The following SLC16A12 variants were observed in gnomAD, a reference collection of about 807,000 sequenced individuals.
SLC16A12 encodes solute carrier family 16 member 12, also known as monocarboxylate transporter 12.
Under a neutral mutation model 42.4 loss-of-function variants are expected in SLC16A12, and 17 were observed. The ratio of observed to expected loss-of-function variants is 0.40; its 90% CI spans 0.27 to 0.60. The LOEUF (loss-of-function observed/expected upper bound fraction) is 0.60, where lower values mean the gene tolerates loss of function less well. Among genes scored for constraint, SLC16A12 ranks in the 20% least tolerant of loss-of-function variants. The pLI is 0.42. For synonymous variants in SLC16A12, 224 were observed against 229.4 expected (o/e 0.98, Z 0.21); for missense variants, 544 against 623.0 (o/e 0.87, Z 1.35).
chr10:89,482,408 A>G (rs557469961), intron 2 of SLC16A12, among the ~76,000 whole-genome samples: 5 of 152,300 alleles, frequency 3.3e-5, no homozygotes, highest in African/African-American at 1.2e-4. Context: ...TAGATCCATC[A>G]ATAATAAATT....
intron 2 of SLC16A12, among the ~76,000 whole-genome samples, chr10:89,511,287 G>A (rs1161947053): frequency 1.3e-5 from 2 of 152,148 alleles, no homozygotes; most frequent in Admixed American, 1.3e-4. Flanking sequence ...ACACGTATGT[G>A]TATTGCAGCA....
chr10:89,479,071 T>C (rs1370833878), intron 2 of SLC16A12, among the ~76,000 whole-genome samples: 3 of 152,204 alleles, frequency 2.0e-5, no homozygotes, highest in African/African-American at 7.2e-5. Flanking sequence ...CACTTACTAA[T>C]AGTGAACTGT....
rs78837925 is a variant in SLC16A12, at chr10:89,520,797, C to G, written c.-47+13704G>C. Among the ~76,000 whole-genome samples, 310 of 151,418 alleles carry G rather than the reference C, an allele frequency of 2.0e-3. 6 individuals carry two copies. In the East Asian group the frequency reaches 0.05, roughly 25 times the overall value. On this transcript the variant is annotated intron_variant, in intron 2 of 7. Transcript: ENST00000371790. The stretch of plus-strand genomic sequence containing the variant: ...CCTGTTCTCTGCCCCTGCCCTTGAG[C>G]CTTAATGTTTCAGATCTCAGCTTAA...
chr10:89,432,985 TA>T lies in SLC16A12; in HGVS notation c.*78del. ...TTGGAAGGCAATCCTTCTGCCAAAA[TA>T]AAAAGTTTCAGAAACATGAAGAATC... On this transcript the variant is annotated 3_prime_UTR_variant, in exon 8 of 8. Coordinates refer to ENST00000371790, the MANE Select transcript of SLC16A12 (RefSeq NM_213606.4). The T allele has an allele frequency of 6.4e-7, 1 of 1,569,992 alleles. No homozygotes were observed. Among genetic ancestry groups the T allele is most frequent in the South Asian group, 1.2e-5 (1 of 83,926 alleles).
chr10:89,555,504 C>CGTATATCT (rs1843805512), intron 2 of SLC16A12, among the ~76,000 whole-genome samples: 1 of 138,578 alleles, frequency 7.2e-6, no homozygotes, highest in Non-Finnish European at 1.6e-5. Context: ...TACGTATATA[C>CGTATATCT]GTATATATAT....
Position 89,433,002 on chromosome 10 carries a change from A to G in SLC16A12, c.*62T>C, listed in dbSNP as rs1589654564. The G allele has an allele frequency of 1.9e-6, 3 of 1,594,628 alleles. No individual in the cohort carries two copies. The highest frequency in any genetic ancestry group is 2.6e-6 in the Non-Finnish European group (3 of 1,175,230). On this transcript the variant is annotated 3_prime_UTR_variant, in exon 8 of 8. Transcript: ENST00000371790. ...TGCCAAAATAAAAAGTTTCAGAAACATGAAGAATCTGGTGGCCCCACCTCT... is the reference window on the plus strand; with the variant it reads ...TGCCAAAATAAAAAGTTTCAGAAACGTGAAGAATCTGGTGGCCCCACCTCT...
At chr10:89,452,849 T>A (rs936950114) in intron 3 of SLC16A12, among the ~76,000 whole-genome samples, 1 of 152,192 alleles carries the variant, frequency 6.6e-6, no homozygotes, top group Non-Finnish European at 1.5e-5. Flanking sequence ...CTGATGCACG[T>A]CCTCAATCAG....
At chr10:89,486,186 G>T (rs550098471) in intron 2 of SLC16A12, among the ~76,000 whole-genome samples, 27 of 152,190 alleles carry the variant, frequency 1.8e-4, no homozygotes, top group African/African-American at 6.3e-4. Context: ...TGCAGGGTTG[G>T]AAGGCAGTGA....
chr10:89,448,321 C>G (rs868022445), intron 3 of SLC16A12, among the ~76,000 whole-genome samples: 3 of 152,024 alleles, frequency 2.0e-5, no homozygotes, highest in Non-Finnish European at 4.4e-5. Flanking sequence ...AAAAAGGGAT[C>G]TTTAGACCAA....
At chr10:89,486,181 G>C (rs1297681326) in intron 2 of SLC16A12, among the ~76,000 whole-genome samples, 1 of 152,016 alleles carries the variant, frequency 6.6e-6, no homozygotes, top group Non-Finnish European at 1.5e-5. Flanking sequence ...TGTCTTGCAG[G>C]GTTGGAAGGC....
rs771820490 is a variant in SLC16A12, at chr10:89,462,550, T to A, written c.29A>T (p.Asn10Ile). 16 of 1,611,544 alleles carry A rather than the reference T, an allele frequency of 9.9e-6. No individual in the cohort carries two copies. The highest frequency in any genetic ancestry group is 3.3e-5 in the South Asian group (3 of 91,014). ...CAGCCAAGTTATGATCTTGGAAGAG[T>A]TTGCTGTCCAGTGACTTCCTGATGG... MPSGSHWTA[N>I]SSKIITWLLE... The change falls in exon 3 of 8, where the codon AAC becomes ATC. Residue 10 changes from asparagine (N) to isoleucine (I), a missense_variant. By Grantham distance (149) the Asn-to-Ile change is moderately radical. Coordinates refer to ENST00000371790, the MANE Select transcript of SLC16A12 (RefSeq NM_213606.4).
At position 89,466,031 on chromosome 10, in the gene SLC16A12, C is replaced by T. The variant is rs544612212; in HGVS notation, c.-46-3407G>A. On this transcript the variant is annotated intron_variant, in intron 2 of 7. Transcript: ENST00000371790. ...CTAGTTTGAGGACAAAGTTAATGAGCCAATACCCAGATGGAAGATCTGGGT... is the reference window on the plus strand; with the variant it reads ...CTAGTTTGAGGACAAAGTTAATGAGTCAATACCCAGATGGAAGATCTGGGT... Among the ~76,000 whole-genome samples the T allele has an allele frequency of 1.1e-4, 16 of 152,248 alleles. 1 individual carries two copies. Among genetic ancestry groups the T allele is most frequent in the East Asian group, 9.7e-4 (5 of 5,178 alleles).
At chr10:89,528,147 G>A (rs547103188) in intron 2 of SLC16A12, among the ~76,000 whole-genome samples, 52 of 145,804 alleles carry the variant, frequency 3.6e-4, no homozygotes, top group Non-Finnish European at 4.9e-4. Flanking sequence ...GCTGCAGTGG[G>A]CCCTGATAAG....
intron 2 of SLC16A12, among the ~76,000 whole-genome samples, chr10:89,504,247 TC>T (rs1228420044): frequency 6.6e-6 from 1 of 151,990 alleles, no homozygotes; most frequent in Non-Finnish European, 1.5e-5. Flanking sequence ...CAAAAAAAGC[TC>T]CCCAAAAGGT....
intron 2 of SLC16A12, among the ~76,000 whole-genome samples, chr10:89,498,977 C>G (rs538956668): frequency 6.6e-6 from 1 of 152,288 alleles, no homozygotes; most frequent in South Asian, 2.1e-4. Context: ...AGAATGTGAA[C>G]AGCCTTCAGC....
chr10:89,524,555 A>G (rs147206923), intron 2 of SLC16A12, among the ~76,000 whole-genome samples: 55 of 152,306 alleles, frequency 3.6e-4, no homozygotes, highest in Middle Eastern at 3.4e-3. Context: ...ACAATTATTT[A>G]ATGGTTTGAC....
intron 4 of SLC16A12, 132 bp from the exon 5 acceptor site, chr10:89,441,383 A>T (rs954389122): frequency 1.8e-6 from 2 of 1,094,114 alleles, no homozygotes; most frequent in African/African-American, 1.6e-5. Flanking sequence ...AGCTTTGGAA[A>T]CTGAGGCCCA....
intron 2 of SLC16A12, chr10:89,468,250 A>G (rs1403481240): frequency 2.6e-5 from 4 of 152,254 alleles, no homozygotes. Context: ...GGGTGGGGAG[A>G]AAGAGCCTCT....
upstream of SLC16A12, among the ~76,000 whole-genome samples, chr10:89,539,401 A>C (rs1364883277): frequency 1.3e-5 from 2 of 152,148 alleles, no homozygotes; most frequent in Non-Finnish European, 2.9e-5. Context: ...TATTTTGTCA[A>C]ATCCCTACCA....
Sources: allele counts gnomAD v4.1 joint callset (sites outside exome capture counted in the v4.1 genomes callset), GRCh38; gene constraint gnomAD v4.1.1; transcripts MANE v1.5; gene names NCBI Gene and HGNC (gene_info 2026-07-23, HGNC 2026-07-21).